RDX: variants seen among roughly 807,000 people sequenced by gnomAD.
The protein encoded by RDX is deafness, autosomal recessive 24.
In RDX, 32 loss-of-function variants were observed where a neutral mutation model predicts 83.7. That is an observed-to-expected ratio of 0.38 (90% CI 0.29 to 0.51). The LOEUF (loss-of-function observed/expected upper bound fraction) is 0.51. Ranked by LOEUF, RDX falls within the 20% of genes least tolerant of loss-of-function variation. The pLI is 0.87. For synonymous variants in RDX, 229 were observed against 222.7 expected, an observed-to-expected ratio of 1.03 and a Z score of -0.25; for missense variants, 600 against 689.9, an observed-to-expected ratio of 0.87 and a Z score of 1.46.
chr11:110,286,255 A>T (rs1410040010), intron 1 of RDX, among the ~76,000 whole-genome samples: 1 of 152,224 alleles, frequency 6.6e-6, no homozygotes, highest in Non-Finnish European at 1.5e-5. Context: ...CATGGCAGCA[A>T]CATACCCAGC....
chr11:110,252,462 T>A (rs1423398299), intron 9 of RDX, among the ~76,000 whole-genome samples: 1 of 152,218 alleles, frequency 6.6e-6, no homozygotes, highest in African/African-American at 2.4e-5. Context: ...CAGTTAGGCA[T>A]ACTATAGAGT....
At chr11:110,290,836 A>G (rs562617490) in intron 1 of RDX, among the ~76,000 whole-genome samples, 1 of 133,324 alleles carries the variant, frequency 7.5e-6, no homozygotes, top group South Asian at 2.4e-4. Flanking sequence ...AAAACTTTAT[A>G]AAAACAGGCA....
chr11:110,241,056 CA>C (rs34548283), intron 10 of RDX, among the ~76,000 whole-genome samples: 3,892 of 42,958 alleles, frequency 0.091, 49 homozygotes, highest in African/African-American at 0.25. Context: ...ACTCTGTCTC[CA>C]AAAAAAAAAA....
At chr11:110,270,606 C>G (rs544316089) in intron 3 of RDX, among the ~76,000 whole-genome samples, 1 of 152,274 alleles carries the variant, frequency 6.6e-6, no homozygotes, top group East Asian at 1.9e-4. Context: ...TTACCATCAT[C>G]CTAATTGTAC....
At chr11:110,236,042 C>T (rs1305241122) in intron 12 of RDX, 57 bp downstream of exon 12, 1 of 1,216,694 alleles carries the variant, frequency 8.2e-7, no homozygotes, top group Non-Finnish European at 1.2e-6. Context: ...ACAAAGTCAG[C>T]ATAATCCTGG....
chr11:110,291,495 G>T (rs115328073), intron 1 of RDX, among the ~76,000 whole-genome samples: 4,538 of 152,236 alleles, frequency 0.03, 132 homozygotes, highest in East Asian at 0.074. Flanking sequence ...AATGAGGCTC[G>T]AAAGACATCT....
chr11:110,264,780 T>C lies in RDX; in HGVS notation c.191A>G (p.Lys64Arg). The C allele has an allele frequency of 6.3e-7, 1 of 1,599,380 alleles. No individual in the cohort carries two copies. The highest frequency in any genetic ancestry group is 8.6e-7 in the Non-Finnish European group (1 of 1,167,300). The change falls in exon 4 of 14, where the codon AAG (lysine) becomes AGG (arginine). Residue 64 changes from lysine to arginine, a missense_variant and splice_region_variant. Lys to Arg is a conservative substitution (Grantham distance 26). Coordinates refer to ENST00000645495, the MANE Select transcript of RDX (RefSeq NM_002906.4). ...GYSTWLKLNK[K>R]VTQQDVKKEN... ...TTAATGTTATCGTACATATTTTACC[T>C]TTTTATTTAGTTTAAGCCATGTAGA...
At chr11:110,215,701 A>G (rs1234165385) in intron 14 of RDX, among the ~76,000 whole-genome samples, 2 of 152,238 alleles carry the variant, frequency 1.3e-5, no homozygotes, top group African/African-American at 4.8e-5. Context: ...TCCTTCCAAG[A>G]GCAAGTAAAC....
chr11:110,289,454 T>C (rs1861123806), intron 1 of RDX, among the ~76,000 whole-genome samples: 1 of 152,162 alleles, frequency 6.6e-6, no homozygotes, highest in African/African-American at 2.4e-5. Context: ...CTAACTTTGC[T>C]GAATAGCCAA....
chr11:110,242,070 A>G (rs1865119595), intron 10 of RDX, among the ~76,000 whole-genome samples: 3 of 152,188 alleles, frequency 2.0e-5, no homozygotes. Flanking sequence ...TTAGTTTTAC[A>G]AGATGAAAAT....
At chr11:110,224,132 T>A (rs1444246904) in intron 14 of RDX, among the ~76,000 whole-genome samples, 1 of 152,024 alleles carries the variant, frequency 6.6e-6, no homozygotes, top group Non-Finnish European at 1.5e-5. Context: ...TCTGAGATAA[T>A]CTCTGAGTTA....
At position 110,264,020 on chromosome 11, in the gene RDX, T is replaced by C. The variant is rs201598955; in HGVS notation, c.407A>G (p.Asp136Gly). 1.2e-6 allele frequency: 2 copies of C among 1,613,732 alleles called. No individual in the cohort carries two copies. The highest frequency in any genetic ancestry group is 1.7e-6 in the Non-Finnish European group (2 of 1,179,662). Residue 136 changes from aspartate (D) to glycine (G), a missense_variant, in exon 5 of 14, where the codon GAT becomes GGT. Physicochemically the swap from Asp to Gly is moderately conservative, Grantham distance 94. Transcript: ENST00000645495. The stretch of plus-strand genomic sequence containing the variant: ...TGGCTTATGAATCTCTTTATTGTAA[T>C]CTCCATACTTGGCTTGGACAGCATA... ...ASYAVQAKYG[D>G]YNKEIHKPGY...
At chr11:110,193,545 TAG>T (rs1565284199) in intron 15 of RDX, among the ~76,000 whole-genome samples, 1 of 41,904 alleles carries the variant, frequency 2.4e-5, no homozygotes, top group East Asian at 1.1e-3. Flanking sequence ...CAAAACAAAA[TAG>T]AATAAACTAT....
intron 14 of RDX, among the ~76,000 whole-genome samples, chr11:110,202,923 A>G (rs1243931511): frequency 6.6e-6 from 1 of 152,152 alleles, no homozygotes; most frequent in Non-Finnish European, 1.5e-5. Flanking sequence ...GAACCTTTGT[A>G]CACTGTTGGT....
At chr11:110,247,624 A>G in intron 10 of RDX, 79 bp downstream of exon 10, 1 of 1,428,638 alleles carries the variant, frequency 7.0e-7, no homozygotes, top group Non-Finnish European at 9.7e-7. Flanking sequence ...ATAAGGTTTA[A>G]GAGTACTAAA....
At chr11:110,272,510 G>C (rs1860346091) in intron 3 of RDX, 26 bp downstream of exon 3, 2 of 1,461,746 alleles carry the variant, frequency 1.4e-6, no homozygotes, top group Non-Finnish European at 9.6e-7. Flanking sequence ...GGTGTCAAAA[G>C]TTGCATATTT....
chr11:110,221,004 G>C (rs1864228331), intron 14 of RDX, among the ~76,000 whole-genome samples: 1 of 151,842 alleles, frequency 6.6e-6, no homozygotes, highest in South Asian at 2.1e-4. Context: ...CAGTTTCTAA[G>C]CATGCCTAGA....
chr11:110,184,647 A>G (rs548389467), intron 15 of RDX, among the ~76,000 whole-genome samples: 36 of 152,268 alleles, frequency 2.4e-4, no homozygotes, highest in African/African-American at 8.2e-4. Flanking sequence ...GAACAGCCAC[A>G]CTGTGCCAGG....
At chr11:110,240,744 CA>C (rs1298350227) in intron 10 of RDX, among the ~76,000 whole-genome samples, 18,560 of 62,716 alleles carry the variant, frequency 0.3, 1,457 homozygotes, top group African/African-American at 0.42. Flanking sequence ...GACTCCGTCT[CA>C]AAAAAAAAAA....
Sources: allele counts gnomAD v4.1 joint callset (sites outside exome capture counted in the v4.1 genomes callset), GRCh38; gene constraint gnomAD v4.1.1; transcripts MANE v1.5; gene names NCBI Gene and HGNC (gene_info 2026-07-23, HGNC 2026-07-21).